ACCSL: variants seen among roughly 807,000 people sequenced by gnomAD.
ACCSL encodes 1-aminocyclopropane-1-carboxylate synthase homolog (inactive) like, also known as probable inactive 1-aminocyclopropane-1-carboxylate synthase-like protein 2.
ACCSL carries 55 observed loss-of-function variants against 61.7 expected under a neutral mutation model. The ratio of observed to expected loss-of-function variants is 0.89; its 90% CI spans 0.72 to 1.12. ACCSL has a LOEUF of 1.12. Ranked by LOEUF, ACCSL falls within the 50% of genes most tolerant of loss-of-function variation. The pLI, the probability that ACCSL is intolerant of heterozygous loss-of-function variation, is 0.00. For missense variants in ACCSL, 632 were observed against 698.0 expected (o/e 0.91, Z 1.07); for synonymous variants, 258 against 264.3 (o/e 0.98, Z 0.23).
At chr11:43,937,679 A>G in the ACCSL span, among the ~76,000 whole-genome samples, 1 of 151,700 alleles carries the variant, frequency 6.6e-6, no homozygotes, top group East Asian at 1.9e-4. Flanking sequence ...CCCCTCCAAA[A>G]CTGCCACCTC....
At chr11:44,044,494 A>T (rs1045291940), upstream of ACCSL, among the ~76,000 whole-genome samples, 1 of 152,080 alleles carries the variant, frequency 6.6e-6, no homozygotes, top group South Asian at 2.1e-4. Flanking sequence ...GTATTTAGGG[A>T]TCTATATCCC....
chr11:43,986,689 A>G, the ACCSL span, among the ~76,000 whole-genome samples: 21,244 of 152,156 alleles, frequency 0.14, 1,583 homozygotes, highest in Non-Finnish European at 0.17. Flanking sequence ...TCTCAGAGAG[A>G]CAATGAAGAC....
upstream of ACCSL, among the ~76,000 whole-genome samples, chr11:44,042,983 T>A (rs1952582807): frequency 6.6e-6 from 1 of 151,680 alleles, no homozygotes; most frequent in African/African-American, 2.4e-5. Flanking sequence ...CTCGGGATGC[T>A]GAGGTGGGAG....
At chr11:43,925,909 T>C in the ACCSL span, among the ~76,000 whole-genome samples, 73 of 152,256 alleles carry the variant, frequency 4.8e-4, 1 homozygote, top group Non-Finnish European at 7.8e-4. Flanking sequence ...CTTAGTAATA[T>C]GATTTTTTAA....
the ACCSL span, among the ~76,000 whole-genome samples, chr11:43,968,649 G>A: frequency 4.6e-5 from 7 of 152,114 alleles, no homozygotes; most frequent in Non-Finnish European, 1.0e-4. Context: ...TTCAGGCTTC[G>A]AAACCACTGA....
the ACCSL span, among the ~76,000 whole-genome samples, chr11:43,955,729 T>A: frequency 1.2e-4 from 19 of 152,070 alleles, no homozygotes; most frequent in Non-Finnish European, 2.5e-4. Flanking sequence ...ATAGTGACAT[T>A]ATCTGCAGGA....
At chr11:43,941,757 A>G in the ACCSL span, among the ~76,000 whole-genome samples, 2 of 152,200 alleles carry the variant, frequency 1.3e-5, no homozygotes, top group Non-Finnish European at 2.9e-5. Context: ...ATATGTAAAA[A>G]TGAGAGAATA....
At chr11:43,932,197 G>C in the ACCSL span, among the ~76,000 whole-genome samples, 1 of 152,230 alleles carries the variant, frequency 6.6e-6, no homozygotes, top group African/African-American at 2.4e-5. Context: ...CCTCATGACT[G>C]CCACCCAGGG....
the ACCSL span, among the ~76,000 whole-genome samples, chr11:43,970,284 C>T: frequency 1.1e-4 from 16 of 152,164 alleles, no homozygotes; most frequent in Admixed American, 9.8e-4. Context: ...GAGCTCCCTG[C>T]AGCCTCGACC....
At chr11:44,038,184 A>G in the ACCSL span, among the ~76,000 whole-genome samples, 1 of 152,148 alleles carries the variant, frequency 6.6e-6, no homozygotes, top group Non-Finnish European at 1.5e-5. Flanking sequence ...CGGGTTGTAG[A>G]ATTAAATAGG....
chr11:44,022,809 G>A, the ACCSL span, among the ~76,000 whole-genome samples: 1 of 152,050 alleles, frequency 6.6e-6, no homozygotes, highest in South Asian at 2.1e-4. Flanking sequence ...TCTTGTGATC[G>A]CTTTGTCTGG....
intron 7 of ACCSL, 132 bp from the exon 8 acceptor site, chr11:44,053,274 C>A (rs1952650955): frequency 1.1e-6 from 1 of 895,560 alleles, no homozygotes; most frequent in Non-Finnish European, 1.7e-6. Flanking sequence ...CCTCTTTGGG[C>A]AGTATAGTAG....
chr11:43,990,492 AG>A, the ACCSL span, among the ~76,000 whole-genome samples: 3,828 of 152,144 alleles, frequency 0.025, 147 homozygotes, highest in African/African-American at 0.087. Context: ...CCATTCATGA[AG>A]TGGAACCCTC....
the ACCSL span, among the ~76,000 whole-genome samples, chr11:44,040,946 C>T: frequency 6.6e-6 from 1 of 152,206 alleles, no homozygotes. Flanking sequence ...TTTCCACGTC[C>T]TACTCGTACC....
the ACCSL span, among the ~76,000 whole-genome samples, chr11:44,030,608 C>G: frequency 4.8e-4 from 73 of 152,078 alleles, no homozygotes; most frequent in Admixed American, 1.5e-3. Context: ...TTGTGTGTCC[C>G]TTGCTAATTT....
At chr11:44,051,506 C>T (rs1952638830) in intron 4 of ACCSL, 102 bp downstream of exon 4, 1 of 1,551,204 alleles carries the variant, frequency 6.4e-7, no homozygotes, top group Admixed American at 1.7e-5. Flanking sequence ...AGTGAAGACT[C>T]TCAGGGCCAG....
chr11:44,020,859 A>G, the ACCSL span, among the ~76,000 whole-genome samples: 1 of 152,006 alleles, frequency 6.6e-6, no homozygotes, highest in Non-Finnish European at 1.5e-5. Context: ...GCTCCCACTT[A>G]CAAATGAGAA....
chr11:43,927,028 G>C, the ACCSL span, among the ~76,000 whole-genome samples: 1 of 152,252 alleles, frequency 6.6e-6, no homozygotes, highest in Admixed American at 6.5e-5. Context: ...GACTACAGGC[G>C]TGAGCCACTG....
the ACCSL span, among the ~76,000 whole-genome samples, chr11:43,924,673 C>T: frequency 3.3e-5 from 5 of 152,236 alleles, no homozygotes; most frequent in African/African-American, 1.2e-4. Context: ...CCCCTCGCAC[C>T]CTGGGAGGCC....
Sources: gnomAD v4.1 joint callset for allele counts (sites outside exome capture counted in the v4.1 genomes callset) on GRCh38, gnomAD v4.1.1 for gene constraint, MANE v1.5 for transcripts, NCBI Gene and HGNC (gene_info 2026-07-23, HGNC 2026-07-21) for gene names.